The following CWC22 variants were observed in gnomAD, a reference collection of about 807,000 sequenced individuals.
CWC22 encodes the protein pre-mRNA-splicing factor CWC22 homolog.
Under a neutral mutation model 117.2 loss-of-function variants are expected in CWC22, and 53 were observed. The ratio of observed to expected loss-of-function variants is 0.45; its 90% confidence interval spans 0.36 to 0.57. The LOEUF (loss-of-function observed/expected upper bound fraction) is 0.57. Ranked by LOEUF, CWC22 falls within the 20% of genes least tolerant of loss-of-function variation. CWC22 has a pLI of 0.00. For synonymous variants in CWC22, 360 were observed against 355.6 expected (o/e 1.01, Z -0.14); for missense variants, 980 against 1,068.8 (o/e 0.92, Z 1.16).
chr2:179,991,013 T>C (rs928279446), intron 2 of CWC22, among the ~76,000 whole-genome samples: 2 of 152,252 alleles, frequency 1.3e-5, no homozygotes, highest in African/African-American at 2.4e-5. Context: ...CTATTTCTTT[T>C]ATCACAGAGT....
At chr2:179,986,625 T>C (rs563714795) in intron 4 of CWC22, 70 bp downstream of exon 4, 2 of 870,172 alleles carry the variant, frequency 2.3e-6, no homozygotes, top group Admixed American at 2.8e-5. Flanking sequence ...TTTGTTTTTA[T>C]TACAAATGTA....
chr2:179,945,236 C>G lies in CWC22; in HGVS notation c.2620G>C (p.Gly874Arg), dbSNP rs1686259850. The change falls in exon 20 of 20, where the codon GGT (glycine) becomes CGT (arginine). Residue 874 changes from glycine (G) to arginine (R), a missense_variant. Gly to Arg is a moderately radical substitution (Grantham distance 125). Around this residue, in one of 3 missense-constraint regions of CWC22, gnomAD observed 306 missense variants for 296.8 expected, o/e 1.03. Coordinates refer to ENST00000410053, the MANE Select transcript of CWC22 (RefSeq NM_020943.3). Reference protein sequence around the residue: ...SRSDEDRYQNGAERRWEKSSR... With the variant: ...SRSDEDRYQNRAERRWEKSSR... ...GATTTTTCCCATCGTCTCTCGGCAC[C>G]ATTTTGATATCTATCTTCATCACTT... 6.2e-7 allele frequency: 1 copy of G among 1,613,644 alleles called. No individual in the cohort carries two copies.
intron 4 of CWC22, 56 bp from the exon 5 acceptor site, chr2:179,982,053 A>C: frequency 1.1e-6 from 1 of 901,878 alleles, no homozygotes; most frequent in South Asian, 1.6e-5. Flanking sequence ...CACTCTTAGC[A>C]ATTAACTGCA....
chr2:179,980,116 A>G (rs553288962), intron 5 of CWC22, among the ~76,000 whole-genome samples: 9 of 152,308 alleles, frequency 5.9e-5, no homozygotes, highest in African/African-American at 1.7e-4. Context: ...GTCTTTTACA[A>G]TCAGGATTGC....
chr2:180,001,247 C>G (rs937652319), intron 1 of CWC22, among the ~76,000 whole-genome samples: 1 of 151,992 alleles, frequency 6.6e-6, no homozygotes, highest in African/African-American at 2.4e-5. Context: ...TTTATCCTGT[C>G]CCCTCTCTAG....
In CWC22 at chr2:179,954,192, C is replaced by A; in HGVS notation, c.1689+13G>T. On this transcript the variant is annotated intron_variant, in intron 16 of 19. Transcript: ENST00000410053. ...ATTAGGAAGGAAGTATAAATATTGA[C>A]CCATGTACTTACACTCCATGGAAGT... 1 of 1,584,244 alleles carries A rather than the reference C, an allele frequency of 6.3e-7. No individual in the cohort carries two copies. The highest frequency in any genetic ancestry group is 8.6e-7 in the Non-Finnish European group (1 of 1,157,766).
intron 4 of CWC22, among the ~76,000 whole-genome samples, chr2:179,983,678 G>C (rs906773689): frequency 1.4e-4 from 22 of 152,082 alleles, no homozygotes; most frequent in Admixed American, 7.2e-4. Flanking sequence ...TGAGGTATAA[G>C]AGACTTAAAT....
In CWC22 at chr2:179,988,664, G is replaced by A. The variant is rs1322884373; in HGVS notation, c.28-20C>T. 1 of 1,373,918 alleles carries A rather than the reference G, an allele frequency of 7.3e-7. No homozygotes were observed. The highest frequency in any genetic ancestry group is 2.4e-5 in the Admixed American group (1 of 41,768). 85.1% of individuals were successfully genotyped at this position (1,373,918 alleles called of 1,614,324 possible). A position where few individuals can be genotyped will look rare whatever the true frequency, so the allele number is the denominator to read the frequency against. Reference sequence around the variant, plus strand: ...AGAAGGCTTTAAAAGAGGAAAAGGGGAAAACATTTCAAAAATTATTTATGT... The same window carrying A: ...AGAAGGCTTTAAAAGAGGAAAAGGGAAAAACATTTCAAAAATTATTTATGT... On this transcript the variant is annotated intron_variant, in intron 2 of 19. Transcript: ENST00000410053.
intron 1 of CWC22, among the ~76,000 whole-genome samples, chr2:179,997,169 G>C (rs1687725427): frequency 6.6e-6 from 1 of 151,954 alleles, no homozygotes; most frequent in South Asian, 2.1e-4. Context: ...TATGTAGCCA[G>C]AGTATATATA....
chr2:179,982,122 G>C, intron 4 of CWC22, 125 bp from the exon 5 acceptor site: 1 of 625,410 alleles, frequency 1.6e-6, no homozygotes, highest in Non-Finnish European at 2.8e-6. Flanking sequence ...AAGTGGTTTA[G>C]AATGGTGACA....
At chr2:179,990,133 T>C (rs1687523036) in intron 2 of CWC22, among the ~76,000 whole-genome samples, 1 of 152,168 alleles carries the variant, frequency 6.6e-6, no homozygotes, top group South Asian at 2.1e-4. Context: ...TAATCAAAAT[T>C]GATAACTTAA....
chr2:179,956,630 A>C (rs17778451), intron 14 of CWC22, among the ~76,000 whole-genome samples: 21,832 of 150,462 alleles, frequency 0.15, 1,961 homozygotes, highest in Admixed American at 0.29. Flanking sequence ...GTCTCAAGTT[A>C]TCTCAAGTTA....
chr2:179,984,777 T>C (rs948480428), intron 4 of CWC22, among the ~76,000 whole-genome samples: 1 of 151,996 alleles, frequency 6.6e-6, no homozygotes, highest in African/African-American at 2.4e-5. Context: ...CAAATCACAG[T>C]TCCTTTATAA....
intron 1 of CWC22, among the ~76,000 whole-genome samples, chr2:180,003,946 T>C (rs1687908639): frequency 6.6e-6 from 1 of 152,234 alleles, no homozygotes; most frequent in Admixed American, 6.5e-5. Context: ...TATTCAAATG[T>C]CTCTTCCAAT....
At chr2:180,006,125 G>T (rs1019534309) in intron 1 of CWC22, among the ~76,000 whole-genome samples, 1 of 152,178 alleles carries the variant, frequency 6.6e-6, no homozygotes, top group Non-Finnish European at 1.5e-5. Context: ...TAGGTTAACT[G>T]ATCTGCTGAG....
chr2:179,957,424 G>C (rs908148888), intron 14 of CWC22, among the ~76,000 whole-genome samples: 20 of 152,194 alleles, frequency 1.3e-4, no homozygotes, highest in African/African-American at 4.8e-4. Flanking sequence ...AATATTTTAG[G>C]CTTTAGAGTC....
At chr2:179,978,119 TG>T (rs1170355037) in intron 6 of CWC22, 70 bp downstream of exon 6, 26 of 1,323,728 alleles carry the variant, frequency 2.0e-5, no homozygotes, top group Non-Finnish European at 2.5e-5. Flanking sequence ...CAATGATTAT[TG>T]TTCATGTAGA....
In CWC22 at chr2:179,950,805, A is replaced by G. The variant is rs749764219; in HGVS notation, c.1919+20T>C. 3.1e-6 allele frequency: 5 copies of G among 1,598,824 alleles called. No homozygotes were observed. On this transcript the variant is annotated intron_variant, in intron 18 of 19. Transcript: ENST00000410053. ...AGATAATTTTATAATCTGAACATAA[A>G]TTCTGAGAATAATCCTTACGTTAAA...
chr2:179,959,180 T>C, intron 13 of CWC22, 98 bp from the exon 14 acceptor site: 1 of 759,244 alleles, frequency 1.3e-6, no homozygotes, highest in East Asian at 2.7e-5. Flanking sequence ...AATCATCTTT[T>C]TTAACTGTAA....
Sources: gnomAD v4.1 joint callset for allele counts (sites outside exome capture counted in the v4.1 genomes callset) on GRCh38, gnomAD v4.1.1 for gene constraint, gnomAD v4.1.1 regional missense constraint, MANE v1.5 for transcripts, NCBI Gene and HGNC (gene_info 2026-07-23, HGNC 2026-07-21) for gene names.